Variants in SLC9A9 observed in about 807,000 individuals in gnomAD.
The protein encoded by SLC9A9 is solute carrier family 9 member A9.
In SLC9A9, 62 loss-of-function variants were observed where a neutral mutation model predicts 77.8. The ratio of observed to expected loss-of-function variants is 0.80; its 90% CI spans 0.65 to 0.98. The LOEUF (loss-of-function observed/expected upper bound fraction) is 0.98, where lower values mean the gene tolerates loss of function less well. Among genes scored for constraint, SLC9A9 ranks in the 50% least tolerant of loss-of-function variants. The pLI, the probability that SLC9A9 is intolerant of heterozygous loss-of-function variation, is 0.00. For missense variants in SLC9A9, 775 were observed against 774.9 expected (o/e 1.00, Z 0.00); for synonymous variants, 320 against 283.5 (o/e 1.13, Z -1.29).
chr3:143,756,257 A>G (rs1179761584), intron 4 of SLC9A9, among the ~76,000 whole-genome samples: 1 of 152,220 alleles, frequency 6.6e-6, no homozygotes, highest in Non-Finnish European at 1.5e-5. Context: ...CAGGTTTCAG[A>G]AAAGAAAAGC....
At chr3:143,447,738 T>C (rs2034871018) in intron 12 of SLC9A9, among the ~76,000 whole-genome samples, 1 of 152,174 alleles carries the variant, frequency 6.6e-6, no homozygotes, top group Admixed American at 6.5e-5. Flanking sequence ...AGAGCATCGT[T>C]GTCTGTCTAA....
intron 11 of SLC9A9, among the ~76,000 whole-genome samples, chr3:143,473,475 T>C (rs1213963619): frequency 3.9e-5 from 6 of 152,224 alleles, no homozygotes; most frequent in African/African-American, 1.2e-4. Context: ...CTCTGTGCCA[T>C]GGCCTCACCA....
At chr3:143,479,403 T>A (rs567033749) in intron 11 of SLC9A9, among the ~76,000 whole-genome samples, 35 of 151,268 alleles carry the variant, frequency 2.3e-4, no homozygotes, top group Non-Finnish European at 4.4e-4. Flanking sequence ...GAGCACCACC[T>A]CCCCTGCCTA....
rs913787710 is a variant in SLC9A9 at position 143,610,597 on chromosome 3, G to T, written c.756-31874C>A. On this transcript the variant is annotated intron_variant, in intron 6 of 15. Coordinates refer to ENST00000316549, the MANE Select transcript of SLC9A9 (RefSeq NM_173653.4). ...CCTCTCTTGAAAACTAAACCAAAAA[G>T]GTTCTGGACTAAGGACAACAGGCAT... Among the ~76,000 whole-genome samples, 3 of 152,112 alleles carry T rather than the reference G, an allele frequency of 2.0e-5. No homozygotes were observed. In the South Asian group the frequency reaches 6.2e-4, roughly 31 times the overall value.
At chr3:143,634,335 T>A (rs1012585364) in intron 6 of SLC9A9, among the ~76,000 whole-genome samples, 1 of 152,196 alleles carries the variant, frequency 6.6e-6, no homozygotes, top group African/African-American at 2.4e-5. Flanking sequence ...ACCATCCAAC[T>A]ATCTGTCATT....
At chr3:143,774,388 G>A (rs1247092141) in intron 4 of SLC9A9, among the ~76,000 whole-genome samples, 1 of 152,198 alleles carries the variant, frequency 6.6e-6, no homozygotes, top group African/African-American at 2.4e-5. Context: ...CCGGCACTGA[G>A]TACTGTTTAG....
intron 8 of SLC9A9, among the ~76,000 whole-genome samples, chr3:143,570,319 T>C (rs1282909316): frequency 2.0e-5 from 3 of 152,162 alleles, no homozygotes; most frequent in Admixed American, 6.6e-5. Flanking sequence ...GGAACTTGAT[T>C]ATCAAATTAG....
chr3:143,278,945 C>A (rs548903995), intron 14 of SLC9A9, among the ~76,000 whole-genome samples: 19 of 151,982 alleles, frequency 1.3e-4, no homozygotes, highest in African/African-American at 4.6e-4. Context: ...TCTTTGACCA[C>A]AAAAAATGGA....
chr3:143,622,595 T>TGC (rs1265178043), intron 6 of SLC9A9, among the ~76,000 whole-genome samples: 26 of 152,162 alleles, frequency 1.7e-4, no homozygotes, highest in African/African-American at 6.3e-4. Context: ...AGGCCTGCCC[T>TGC]AAAAGAGCTC....
chr3:143,760,272 T>C (rs989642299), intron 4 of SLC9A9, among the ~76,000 whole-genome samples: 3 of 152,186 alleles, frequency 2.0e-5, no homozygotes, highest in African/African-American at 7.2e-5. Context: ...AGCATTCCCT[T>C]TGAAAACTGG....
At chr3:143,473,304 C>T (rs370592278) in intron 11 of SLC9A9, among the ~76,000 whole-genome samples, 27 of 152,278 alleles carry the variant, frequency 1.8e-4, no homozygotes, top group Admixed American at 1.1e-3. Flanking sequence ...TATGAGGTCA[C>T]GATTCAACTC....
chr3:143,457,714 T>A (rs1221707695), intron 12 of SLC9A9, among the ~76,000 whole-genome samples: 3 of 152,312 alleles, frequency 2.0e-5, no homozygotes, highest in Non-Finnish European at 4.4e-5. Context: ...GACTCATGGA[T>A]TAGTTAGAAT....
chr3:143,780,579 T>C (rs757508910), intron 4 of SLC9A9, among the ~76,000 whole-genome samples: 2 of 152,198 alleles, frequency 1.3e-5, no homozygotes, highest in East Asian at 1.9e-4. Flanking sequence ...ATGGAAGATA[T>C]AAGGCTAAAC....
chr3:143,644,773 T>G (rs2038677280), intron 6 of SLC9A9, among the ~76,000 whole-genome samples: 1 of 152,160 alleles, frequency 6.6e-6, no homozygotes, highest in East Asian at 1.9e-4. Context: ...ACTTTTTTTT[T>G]TTTTAATTAT....
chr3:143,823,482 C>T (rs16854404), intron 2 of SLC9A9, among the ~76,000 whole-genome samples: 1 of 151,914 alleles, frequency 6.6e-6, no homozygotes. Context: ...ATACTGGTGC[C>T]GCAAGACTCA....
chr3:143,619,206 C>G (rs75493957), intron 6 of SLC9A9, among the ~76,000 whole-genome samples: 3,379 of 152,246 alleles, frequency 0.022, 127 homozygotes, highest in African/African-American at 0.077. Flanking sequence ...AAAGAAAACA[C>G]AGAAGATGCT....
chr3:143,408,327 G>A (rs1378005876), intron 12 of SLC9A9, among the ~76,000 whole-genome samples: 3 of 152,116 alleles, frequency 2.0e-5, no homozygotes, highest in South Asian at 2.1e-4. Flanking sequence ...ATTGCATATT[G>A]GGGCTCTGAA....
intron 14 of SLC9A9, among the ~76,000 whole-genome samples, chr3:143,270,082 T>A (rs111349191): frequency 1.3e-5 from 2 of 152,300 alleles, no homozygotes; most frequent in African/African-American, 4.8e-5. Flanking sequence ...CTTGTTATGA[T>A]GCGAGGAGAG....
chr3:143,419,167 T>G (rs2034252261), intron 12 of SLC9A9, among the ~76,000 whole-genome samples: 1 of 152,226 alleles, frequency 6.6e-6, no homozygotes, highest in South Asian at 2.1e-4. Context: ...GGTCTTAATC[T>G]CTGCCAAAGC....
Sources: allele counts gnomAD v4.1 joint callset (sites outside exome capture counted in the v4.1 genomes callset), GRCh38; gene constraint gnomAD v4.1.1; transcripts MANE v1.5; gene names NCBI Gene and HGNC (gene_info 2026-07-23, HGNC 2026-07-21).